KCNMA1: variants seen among roughly 807,000 people sequenced by gnomAD.
KCNMA1 encodes the protein Calcium-activated potassium channel subunit alpha-1.
KCNMA1 carries 29 observed loss-of-function variants against 140.0 expected under a neutral mutation model. That is an observed-to-expected ratio of 0.21 (90% CI 0.15 to 0.28). The LOEUF (loss-of-function observed/expected upper bound fraction) is 0.28. KCNMA1 is among the 10% of genes least tolerant of loss of function. The pLI is 1.00. For synonymous variants in KCNMA1, 612 were observed against 611.9 expected (o/e 1.00, Z 0.00); for missense variants, 880 against 1,602.2 (o/e 0.55, Z 7.70).
At chr10:77,551,269 G>A (rs2062788136) in intron 1 of KCNMA1, among the ~76,000 whole-genome samples, 1 of 152,168 alleles carries the variant, frequency 6.6e-6, no homozygotes, top group African/African-American at 2.4e-5. Flanking sequence ...CAGAGGAAGG[G>A]CTCATTTACC....
intron 16 of KCNMA1, among the ~76,000 whole-genome samples, chr10:77,022,395 T>C (rs2092960415): frequency 6.6e-6 from 1 of 152,196 alleles, no homozygotes; most frequent in South Asian, 2.1e-4. Flanking sequence ...AAGGAACATA[T>C]AAATTATCCT....
chr10:76,900,937 A>T (rs2045011279), intron 25 of KCNMA1, among the ~76,000 whole-genome samples: 2 of 151,600 alleles, frequency 1.3e-5, no homozygotes, highest in African/African-American at 4.8e-5. Flanking sequence ...CAATATAATA[A>T]GTTGCTACTT....
At chr10:77,394,958 G>A (rs975580583) in intron 2 of KCNMA1, among the ~76,000 whole-genome samples, 3 of 152,168 alleles carry the variant, frequency 2.0e-5, no homozygotes, top group Non-Finnish European at 4.4e-5. Flanking sequence ...AGTGAGCATG[G>A]CTGTATTCCA....
chr10:77,548,950 A>AAGAGCAAAGG (rs2062072318), intron 1 of KCNMA1, among the ~76,000 whole-genome samples: 1 of 152,216 alleles, frequency 6.6e-6, no homozygotes, highest in Admixed American at 6.5e-5. Context: ...TAAGGGATGC[A>AAGAGCAAAGG]TAGATGAATA....
chr10:76,915,258 T>C (rs764861671), intron 23 of KCNMA1, among the ~76,000 whole-genome samples: 8 of 152,188 alleles, frequency 5.3e-5, no homozygotes, highest in Non-Finnish European at 8.8e-5. Flanking sequence ...ACTCACTTCA[T>C]AGTTCCCTAA....
At chr10:77,554,597 C>CAAAAAAAAAAAAAAAAAAAAAGAAAAAA (rs2063708152) in intron 1 of KCNMA1, among the ~76,000 whole-genome samples, 1 of 84,100 alleles carries the variant, frequency 1.2e-5, no homozygotes, top group Non-Finnish European at 2.4e-5. Context: ...TACTCCATCT[C>CAAAAAAAAAAAAAAAAAAAAAGAAAAAA]AAAAAAAAAA....
At chr10:77,445,296 A>AAAAT (rs1469426828) in intron 1 of KCNMA1, among the ~76,000 whole-genome samples, 1 of 152,086 alleles carries the variant, frequency 6.6e-6, no homozygotes, top group Non-Finnish European at 1.5e-5. Flanking sequence ...ATTTTAACAG[A>AAAAT]AAATAATCCT....
intron 19 of KCNMA1, among the ~76,000 whole-genome samples, chr10:76,981,401 T>C (rs556561582): frequency 2.0e-5 from 3 of 152,308 alleles, no homozygotes; most frequent in Admixed American, 6.5e-5. Flanking sequence ...GCTGGAACCA[T>C]TCAGGGCAAG....
At chr10:77,419,919 CACA>C (rs1353656843) in intron 1 of KCNMA1, among the ~76,000 whole-genome samples, 1 of 152,182 alleles carries the variant, frequency 6.6e-6, no homozygotes, top group Non-Finnish European at 1.5e-5. Flanking sequence ...CAGGGGCAAT[CACA>C]ACAAGTCATA....
chr10:77,308,966 T>G (rs2078550502), intron 2 of KCNMA1, among the ~76,000 whole-genome samples: 1 of 152,150 alleles, frequency 6.6e-6, no homozygotes, highest in Non-Finnish European at 1.5e-5. Context: ...TCCTGTGAGC[T>G]CCAAAGCATC....
chr10:77,529,750 C>A (rs1387671421), intron 1 of KCNMA1, among the ~76,000 whole-genome samples: 1 of 152,046 alleles, frequency 6.6e-6, no homozygotes, highest in African/African-American at 2.4e-5. Flanking sequence ...TGAGGACACC[C>A]CAAGCAGAGA....
chr10:76,946,126 G>A (rs1056348482), intron 22 of KCNMA1, among the ~76,000 whole-genome samples: 8 of 152,280 alleles, frequency 5.3e-5, no homozygotes, highest in South Asian at 2.1e-4. Flanking sequence ...AACAGAGTCC[G>A]GGAATGCAAG....
intron 3 of KCNMA1, among the ~76,000 whole-genome samples, chr10:77,244,111 A>G (rs76758957): frequency 6.6e-6 from 1 of 152,296 alleles, no homozygotes; most frequent in East Asian, 1.9e-4. Flanking sequence ...TCATTTCTGT[A>G]TTTAGTAGAA....
chr10:77,117,568 A>C (rs1268572584), intron 6 of KCNMA1, among the ~76,000 whole-genome samples: 1 of 150,674 alleles, frequency 6.6e-6, no homozygotes, highest in Non-Finnish European at 1.5e-5. Flanking sequence ...AAAAAAAAGA[A>C]AAGAAAAGAA....
intron 19 of KCNMA1, among the ~76,000 whole-genome samples, chr10:76,989,976 A>G (rs1349801948): frequency 6.6e-6 from 1 of 152,234 alleles, no homozygotes; most frequent in Non-Finnish European, 1.5e-5. Context: ...ATGAAGGATG[A>G]TAAAAATAAT....
At chr10:77,234,122 G>A (rs953232497) in intron 3 of KCNMA1, among the ~76,000 whole-genome samples, 4 of 152,046 alleles carry the variant, frequency 2.6e-5, no homozygotes, top group South Asian at 4.1e-4. Context: ...TCATAAAAAT[G>A]CCCTAATCAA....
At chr10:77,550,410 C>G (rs2062509665) in intron 1 of KCNMA1, among the ~76,000 whole-genome samples, 1 of 152,172 alleles carries the variant, frequency 6.6e-6, no homozygotes, top group Non-Finnish European at 1.5e-5. Context: ...ACTGGAAGTC[C>G]CAGGGGCCCT....
At chr10:77,221,440 G>A (rs1354657748) in intron 3 of KCNMA1, among the ~76,000 whole-genome samples, 2 of 152,048 alleles carry the variant, frequency 1.3e-5, no homozygotes, top group Non-Finnish European at 2.9e-5. Flanking sequence ...AAAAAAATCA[G>A]AAAGAATGAA....
At chr10:76,892,361 A>G (rs2040495378) in intron 25 of KCNMA1, among the ~76,000 whole-genome samples, 1 of 152,208 alleles carries the variant, frequency 6.6e-6, no homozygotes, top group African/African-American at 2.4e-5. Context: ...CTTATTAAAG[A>G]AGTTTCCCTC....
Sources: allele counts gnomAD v4.1 joint callset (sites outside exome capture counted in the v4.1 genomes callset), GRCh38; gene constraint gnomAD v4.1.1; transcripts MANE v1.5; gene names NCBI Gene and HGNC (gene_info 2026-07-23, HGNC 2026-07-21).